The following MMUT variants were observed in gnomAD, a reference collection of about 807,000 sequenced individuals.
MMUT encodes the protein methylmalonyl-CoA mutase, mitochondrial.
Under a neutral mutation model 79.9 loss-of-function variants are expected in MMUT, and 79 were observed. The ratio of observed to expected loss-of-function variants is 0.99; its 90% CI spans 0.82 to 1.19. The LOEUF is 1.19. Ranked by LOEUF, MMUT falls within the 50% of genes most tolerant of loss-of-function variation. MMUT has a pLI of 0.00. For missense variants in MMUT, 860 were observed against 917.2 expected, an observed-to-expected ratio of 0.94 and a Z score of 0.81; for synonymous variants, 273 against 295.7, an observed-to-expected ratio of 0.92 and a Z score of 0.79.
Position 49,453,644 on chromosome 6 carries a change from A to C in MMUT, c.1024T>G (p.Ser342Ala), listed in dbSNP as rs1561957424. The C allele has an allele frequency of 2.5e-6, 4 of 1,613,132 alleles. No individual in the cohort carries two copies. The highest frequency in any genetic ancestry group is 3.4e-6 in the Non-Finnish European group (4 of 1,179,424). Residue 342 changes from serine to alanine, a missense_variant, in exon 5 of 13, where the codon TCA (serine) becomes GCA (alanine). Physicochemically the swap from Ser to Ala is moderately conservative, Grantham distance 99 (BLOSUM62 1). Coordinates refer to ENST00000274813, the MANE Select transcript of MMUT (RefSeq NM_000255.4). Reference protein sequence around the residue: ...LIEKMFQPKNSKSLLLRAHCQ... With the variant: ...LIEKMFQPKNAKSLLLRAHCQ... ...TGTGCTCTTAGAAGAAGAGATTTTG[A>C]GTTTTTAGGCTGAAACATTTTCTCT...
At position 49,435,554 on chromosome 6, in the gene MMUT, C is replaced by T. The variant is rs147715336; in HGVS notation, c.2026G>A (p.Ala676Thr). The T allele has an allele frequency of 2.1e-4, 337 of 1,614,116 alleles. No individual in the cohort carries two copies. The highest frequency in any genetic ancestry group is 2.6e-4 in the Non-Finnish European group (310 of 1,180,006). Reference sequence around the variant, plus strand: ...TCAGGAACTAGGGTTTTATGACCAGCAGCGAGGGTGCTTATGCCCACAGCA... The same window carrying T: ...TCAGGAACTAGGGTTTTATGACCAGTAGCGAGGGTGCTTATGCCCACAGCA... ...VHAVGISTLA[A>T]GHKTLVPELI... The change falls in exon 12 of 13, where the codon GCT becomes ACT. Residue 676 changes from alanine to threonine, a missense_variant. By Grantham distance (58) the Ala-to-Thr change is moderately conservative. Coordinates refer to ENST00000274813, the MANE Select transcript of MMUT (RefSeq NM_000255.4).
chr6:49,443,944 G>A, intron 9 of MMUT: 2 of 263,370 alleles, frequency 7.6e-6, no homozygotes, highest in South Asian at 3.6e-5. Flanking sequence ...AGGAAGAGGT[G>A]GTCAATAATG....
chr6:49,449,342 C>A (rs1767491936), intron 6 of MMUT, among the ~76,000 whole-genome samples: 1 of 152,030 alleles, frequency 6.6e-6, no homozygotes, highest in African/African-American at 2.4e-5. Context: ...AACATTTAAA[C>A]CTTCAATCAT....
chr6:49,442,687 C>T (rs899988326), intron 9 of MMUT, among the ~76,000 whole-genome samples: 3 of 151,716 alleles, frequency 2.0e-5, no homozygotes, highest in African/African-American at 7.3e-5. Flanking sequence ...AGGGGGATCC[C>T]AAGGGAACAT....
Position 49,453,763 on chromosome 6 carries a change from T to G in MMUT, c.912-7A>C, listed in dbSNP as rs377481325. The G allele has an allele frequency of 6.2e-7, 1 of 1,608,226 alleles. No individual in the cohort carries two copies. The highest frequency in any genetic ancestry group is 1.1e-5 in the South Asian group (1 of 90,976). ...TCCCCAGAAGAAAGACAACCTAAAA[T>G]AGTAACGTTAGGTCCAGAATTTAAT... is the stretch of plus-strand genomic sequence containing the variant. On this transcript the variant is annotated splice_region_variant and splice_polypyrimidine_tract_variant and intron_variant, in intron 4 of 12. Transcript: ENST00000274813.
At chr6:49,460,541 T>C (rs1304582691) in intron 1 of MMUT, among the ~76,000 whole-genome samples, 1 of 152,186 alleles carries the variant, frequency 6.6e-6, no homozygotes, top group South Asian at 2.1e-4. Flanking sequence ...ATTTTCCAGA[T>C]GTAGAAACTG....
At chr6:49,441,033 A>G (rs971036571) in intron 10 of MMUT, among the ~76,000 whole-genome samples, 14 of 152,168 alleles carry the variant, frequency 9.2e-5, no homozygotes, top group Admixed American at 6.6e-4. Flanking sequence ...TTCCAACACA[A>G]AAAAGCACTT....
rs889162692 is a variant in MMUT at position 49,441,435 on chromosome 6, T to C, written c.1808+405A>G. Among the ~76,000 whole-genome samples the C allele has an allele frequency of 2.0e-5, 3 of 151,864 alleles. 1 individual carries two copies. In the South Asian group the frequency reaches 6.2e-4, roughly 31 times the overall value. On this transcript the variant is annotated intron_variant, in intron 10 of 12. Coordinates refer to ENST00000274813, the MANE Select transcript of MMUT (RefSeq NM_000255.4). ...TTGAAATATAAATACCTGGAGGATA[T>C]GAAGCAATATCATTGTTAGTTAAAC...
intron 9 of MMUT, among the ~76,000 whole-genome samples, chr6:49,443,482 T>C (rs933000414): frequency 5.3e-5 from 8 of 152,072 alleles, no homozygotes; most frequent in Non-Finnish European, 1.0e-4. Flanking sequence ...GCTATTAATA[T>C]TGTAGTAACA....
At chr6:49,458,100 G>C in intron 2 of MMUT, 42 bp from the exon 3 acceptor site, 1 of 1,585,200 alleles carries the variant, frequency 6.3e-7, no homozygotes, top group Non-Finnish European at 8.6e-7. Context: ...CAAGAGTCTG[G>C]AATCAAGGTA....
intron 12 of MMUT, among the ~76,000 whole-genome samples, chr6:49,433,192 A>G (rs1183490018): frequency 1.3e-5 from 2 of 152,202 alleles, no homozygotes; most frequent in African/African-American, 4.8e-5. Flanking sequence ...GAACTGAATG[A>G]AACATGTAAT....
chr6:49,445,151 G>A (rs1003871238), intron 8 of MMUT, among the ~76,000 whole-genome samples: 10 of 152,022 alleles, frequency 6.6e-5, no homozygotes, highest in Admixed American at 6.6e-4. Context: ...TCAAAACTTA[G>A]AGAATATTTT....
Position 49,456,243 on chromosome 6 carries a change from TAAAA to T in MMUT, c.754-10_754-7del. On this transcript the variant is annotated splice_polypyrimidine_tract_variant and splice_region_variant and intron_variant, in intron 3 of 12. Transcript: ENST00000274813. ...GAATTAAATTTTGGCATGTGCTACA[TAAAA>T]AAAAAAATTGTAACAGTGAATAAGT... 4 of 1,302,088 alleles carry T rather than the reference TAAAA, an allele frequency of 3.1e-6. No homozygotes were observed. The highest frequency in any genetic ancestry group is 4.2e-6 in the Non-Finnish European group (4 of 954,630). 80.7% of individuals were successfully genotyped at this position (1,302,088 alleles called of 1,614,324 possible).
intron 8 of MMUT, 151 bp downstream of exon 8, chr6:49,447,519 T>C (rs555367604): frequency 3.3e-6 from 2 of 602,346 alleles, no homozygotes; most frequent in South Asian, 3.8e-5. Flanking sequence ...CAATGCCTTA[T>C]CTTTAGTTCC....
chr6:49,431,719 AAG>A lies in MMUT; in HGVS notation c.*7_*8del. 1 of 1,612,668 alleles carries A rather than the reference AAG, an allele frequency of 6.2e-7. No individual in the cohort carries two copies. Among genetic ancestry groups the A allele is most frequent in the Non-Finnish European group, 8.5e-7 (1 of 1,178,892 alleles). On this transcript the variant is annotated 3_prime_UTR_variant, in exon 13 of 13. Transcript: ENST00000274813. ...TATTTTAGACAAAAGCTAAAACAAAAAGAGGATATTATACAGATTGCTGCTTC... is the reference window on the plus strand; with the variant it reads ...TATTTTAGACAAAAGCTAAAACAAAAAGGATATTATACAGATTGCTGCTTC...
chr6:49,435,570 G>T lies in MMUT; in HGVS notation c.2010C>A (p.Gly670=). The T allele has an allele frequency of 6.2e-7, 1 of 1,613,952 alleles. No individual in the cohort carries two copies. The highest frequency in any genetic ancestry group is 8.5e-7 in the Non-Finnish European group (1 of 1,179,960). The change falls in exon 12 of 13, where the codon GGC becomes GGA. Residue 670 remains glycine, a synonymous_variant. Transcript: ENST00000274813. ...TATGACCAGCAGCGAGGGTGCTTAT[G>T]CCCACAGCATGCACATCCGCATCCA... ...QAVDADVHAV[G]ISTLAAGHKT...
chr6:49,455,146 A>G (rs1400218086), intron 4 of MMUT, among the ~76,000 whole-genome samples: 2 of 151,930 alleles, frequency 1.3e-5, no homozygotes, highest in Non-Finnish European at 2.9e-5. Context: ...ATATATATAT[A>G]TAATAAAAGC....
intron 1 of MMUT, among the ~76,000 whole-genome samples, chr6:49,462,847 A>G (rs1301266951): frequency 2.0e-5 from 3 of 152,180 alleles, no homozygotes; most frequent in East Asian, 3.9e-4. Flanking sequence ...CATGGCCCCT[A>G]AAGTATTAAA....
At chr6:49,449,015 C>T (rs1767483228) in intron 6 of MMUT, 88 bp from the exon 7 acceptor site, 2 of 666,878 alleles carry the variant, frequency 3.0e-6, no homozygotes, top group Non-Finnish European at 5.1e-6. Context: ...TATATAATTA[C>T]TAATATTAAT....
Sources: gnomAD v4.1 joint callset for allele counts (sites outside exome capture counted in the v4.1 genomes callset) on GRCh38, gnomAD v4.1.1 for gene constraint, MANE v1.5 for transcripts, NCBI Gene and HGNC (gene_info 2026-07-23, HGNC 2026-07-21) for gene names.